The following SIPA1L1 variants were observed in gnomAD, a reference collection of about 807,000 sequenced individuals.
SIPA1L1 encodes the protein signal induced proliferation associated 1 like 1, also known as signal-induced proliferation-associated 1-like protein 1.
In SIPA1L1, 26 loss-of-function variants were observed where a neutral mutation model predicts 162.7. That is an observed-to-expected ratio of 0.16 (90% CI 0.12 to 0.22). SIPA1L1 has a LOEUF of 0.22. Among genes scored for constraint, SIPA1L1 ranks in the 10% least tolerant of loss-of-function variants. The probability of loss-of-function intolerance (pLI) is 1.00; values close to 1 mark genes in which losing one functional copy is unlikely to be tolerated. For missense variants in SIPA1L1, 1,874 were observed against 2,241.0 expected, an observed-to-expected ratio of 0.84 and a Z score of 3.31; for synonymous variants, 829 against 837.4, an observed-to-expected ratio of 0.99 and a Z score of 0.17.
rs111315262 is a variant in SIPA1L1, at chr14:71,640,997, C to T, written c.1819-9338C>T. Among the ~76,000 whole-genome samples the T allele has an allele frequency of 8.6e-3, 1,306 of 152,256 alleles. 12 individuals are homozygous for T. Among genetic ancestry groups the T allele is most frequent in the African/African-American group, 0.025 (1,051 of 41,550 alleles). On this transcript the variant is annotated intron_variant, in intron 7 of 23. Transcript: ENST00000381232. ...AAAAGTAGATATGTTTAAGAACATA[C>T]TGGACACAGTAGGAGAGAGAACTGA...
chr14:71,459,320 A>G (rs2046414713), intron 2 of SIPA1L1, among the ~76,000 whole-genome samples: 1 of 152,156 alleles, frequency 6.6e-6, no homozygotes, highest in African/African-American at 2.4e-5. Context: ...TGAAATAGGT[A>G]ACACGACGGT....
intron 2 of SIPA1L1, among the ~76,000 whole-genome samples, chr14:71,340,955 G>A (rs1046702969): frequency 7.9e-5 from 12 of 152,126 alleles, no homozygotes; most frequent in Non-Finnish European, 1.3e-4. Context: ...AGAAATAAAA[G>A]TTAAGTGGTA....
intron 19 of SIPA1L1, among the ~76,000 whole-genome samples, chr14:71,726,533 G>A (rs537903989): frequency 6.6e-6 from 1 of 152,316 alleles, no homozygotes; most frequent in African/African-American, 2.4e-5. Flanking sequence ...AATAATTGAA[G>A]GCAAATGTCT....
intron 4 of SIPA1L1, among the ~76,000 whole-genome samples, chr14:71,536,184 A>C (rs1315729056): frequency 6.6e-6 from 1 of 151,846 alleles, no homozygotes; most frequent in Non-Finnish European, 1.5e-5. Context: ...TATGTAAGCA[A>C]CAGTCATCTC....
At chr14:71,581,584 T>C (rs1324532946) in intron 4 of SIPA1L1, among the ~76,000 whole-genome samples, 1 of 152,222 alleles carries the variant, frequency 6.6e-6, no homozygotes, top group African/African-American at 2.4e-5. Flanking sequence ...CCAGATTTGA[T>C]TTGATAATCA....
chr14:71,538,274 AC>A (rs1280754499), intron 4 of SIPA1L1, among the ~76,000 whole-genome samples: 1 of 151,852 alleles, frequency 6.6e-6, no homozygotes. Context: ...AACTATTCTT[AC>A]TTTTTTTTTT....
intron 2 of SIPA1L1, among the ~76,000 whole-genome samples, chr14:71,468,202 A>G (rs868346993): frequency 6.6e-6 from 1 of 152,200 alleles, no homozygotes; most frequent in African/African-American, 2.4e-5. Context: ...AGAAGAAATA[A>G]AAGGCATTGT....
chr14:71,562,518 A>G (rs902898178), intron 4 of SIPA1L1, among the ~76,000 whole-genome samples: 2 of 152,208 alleles, frequency 1.3e-5, no homozygotes, highest in African/African-American at 2.4e-5. Flanking sequence ...CAAAGTTGCT[A>G]TTAAAGTGTT....
intron 5 of SIPA1L1, among the ~76,000 whole-genome samples, chr14:71,615,020 T>C (rs569576275): frequency 2.6e-4 from 40 of 152,330 alleles, no homozygotes; most frequent in African/African-American, 8.9e-4. Flanking sequence ...TATGAATTCA[T>C]AACACTTTAA....
intron 22 of SIPA1L1, among the ~76,000 whole-genome samples, chr14:71,736,141 A>G (rs964811861): frequency 6.6e-6 from 1 of 152,206 alleles, no homozygotes; most frequent in African/African-American, 2.4e-5. Flanking sequence ...CATGCCTGTA[A>G]TTTCAGCACT....
At chr14:71,606,934 A>C (rs529987281) in intron 5 of SIPA1L1, among the ~76,000 whole-genome samples, 1 of 152,202 alleles carries the variant, frequency 6.6e-6, no homozygotes, top group African/African-American at 2.4e-5. Context: ...GAAAAAAATA[A>C]AAACAAATAA....
intron 2 of SIPA1L1, among the ~76,000 whole-genome samples, chr14:71,474,740 T>C (rs1296703791): frequency 6.6e-6 from 1 of 152,224 alleles, no homozygotes; most frequent in African/African-American, 2.4e-5. Context: ...TCTTCGGGCT[T>C]CACATAATAG....
At chr14:71,324,267 A>G (rs1370718542) in intron 2 of SIPA1L1, among the ~76,000 whole-genome samples, 1 of 152,190 alleles carries the variant, frequency 6.6e-6, no homozygotes, top group Non-Finnish European at 1.5e-5. Context: ...CATGTTTCCC[A>G]TTTTACGTAT....
intron 4 of SIPA1L1, among the ~76,000 whole-genome samples, chr14:71,578,199 G>A (rs1237801946): frequency 6.6e-6 from 1 of 152,130 alleles, no homozygotes. Context: ...GTGAGCCACT[G>A]CTCCCGGACT....
chr14:71,726,975 C>T (rs758478080), intron 19 of SIPA1L1, among the ~76,000 whole-genome samples: 10 of 152,096 alleles, frequency 6.6e-5, no homozygotes, highest in Non-Finnish European at 1.5e-5. Context: ...TCCAAAGCCA[C>T]TCATGTGCCA....
intron 5 of SIPA1L1, among the ~76,000 whole-genome samples, chr14:71,599,338 C>T (rs189108026): frequency 2.2e-4 from 33 of 151,464 alleles, no homozygotes; most frequent in African/African-American, 7.5e-4. Context: ...TTAGTAGAGA[C>T]GGGGTTTCTC....
chr14:71,739,360 G>C lies in SIPA1L1; in HGVS notation c.*199G>C. On this transcript the variant is annotated 3_prime_UTR_variant, in exon 24 of 24. Transcript: ENST00000381232. ...TTTGTAGAAAAGAAAAACAAAAAAA[G>C]TAAATAAAAATTTTAAACAGTAAAA... is the stretch of plus-strand genomic sequence containing the variant. 1 of 385,728 alleles carries C rather than the reference G, an allele frequency of 2.6e-6. No homozygotes were observed. Among genetic ancestry groups the C allele is most frequent in the Non-Finnish European group, 4.5e-6 (1 of 221,102 alleles). 23.9% of individuals were successfully genotyped at this position (385,728 alleles called of 1,614,324 possible). A position where few individuals can be genotyped will look rare whatever the true frequency, so the allele number is the denominator to read the frequency against.
chr14:71,635,451 T>C (rs1596543801), intron 7 of SIPA1L1, among the ~76,000 whole-genome samples: 6 of 152,356 alleles, frequency 3.9e-5, no homozygotes, highest in Admixed American at 3.9e-4. Context: ...AAGAATTTTT[T>C]AATGTAAGTG....
chr14:71,569,256 G>A (rs897280878), intron 4 of SIPA1L1, among the ~76,000 whole-genome samples: 2 of 152,166 alleles, frequency 1.3e-5, no homozygotes, highest in Non-Finnish European at 2.9e-5. Context: ...CTAATTTAGT[G>A]ACGTGAAAAG....
Sources: gnomAD v4.1 joint callset for allele counts (sites outside exome capture counted in the v4.1 genomes callset) on GRCh38, gnomAD v4.1.1 for gene constraint, MANE v1.5 for transcripts, NCBI Gene and HGNC (gene_info 2026-07-23, HGNC 2026-07-21) for gene names.